Variants in SLC24A1 observed in about 807,000 individuals in gnomAD.
SLC24A1 encodes solute carrier family 24 member 1.
In SLC24A1, 52 loss-of-function variants were observed where a neutral mutation model predicts 88.1. The observed-to-expected ratio is 0.59, with a 90% CI of 0.47 to 0.74. The LOEUF is 0.74. Ranked by LOEUF, SLC24A1 falls within the 30% of genes least tolerant of loss-of-function variation. The pLI is 0.00. For synonymous variants in SLC24A1, 455 were observed against 498.0 expected (o/e 0.91, Z 1.15); for missense variants, 1,173 against 1,363.3 (o/e 0.86, Z 2.20).
rs763504735 is a variant in SLC24A1 at position 65,650,789 on chromosome 15, AGAGGAG to A, written c.2655_2660del (p.Glu889_Glu890del). 73 of 1,608,708 alleles carry A rather than the reference AGAGGAG, an allele frequency of 4.5e-5. 2 individuals carry two copies. The highest frequency in any genetic ancestry group is 4.5e-4 in the South Asian group (41 of 90,472). On this transcript the variant is annotated inframe_deletion, in exon 7 of 10. Coordinates refer to ENST00000261892, the MANE Select transcript of SLC24A1 (RefSeq NM_004727.3). The surrounding 1 kb of genome is among the most constrained non-coding windows in gnomAD (Gnocchi z 4.1). ...AGGAGGAGGAGGAAGAGCAGGAGGA[AGAGGAG>A]GAGGAGGAGGAGGAAGAGGAGGAGA...
rs370278976 is a variant in SLC24A1 at position 65,645,636 on chromosome 15, C to T, written c.2165C>T (p.Ala722Val). The change falls in exon 6 of 10, where the codon GCG becomes GTG. Residue 722 changes from alanine to valine, a missense_variant. Coordinates refer to ENST00000261892, the MANE Select transcript of SLC24A1 (RefSeq NM_004727.3). Reference protein sequence around the residue: ...PEEEEPAKLPAVTVTPAPVPD... With the variant: ...PEEEEPAKLPVVTVTPAPVPD... ...GAGGAGGAGCCAGCCAAGCTCCCTG[C>T]GGTCACGGTCACACCAGCCCCTGTT... 19 of 1,574,774 alleles carry T rather than the reference C, an allele frequency of 1.2e-5. No individual in the cohort carries two copies. The highest frequency in any genetic ancestry group is 1.3e-5 in the Non-Finnish European group (15 of 1,160,040).
chr15:65,625,943 G>T lies in SLC24A1; in HGVS notation c.1863G>T (p.Lys621Asn), dbSNP rs777086273. ...KEQLSRRPVA[K>N]VMALEDLSKP... ...AGCTCAGCAGGAGGCCAGTGGCCAA[G>T]GTCATGGCCTTAGAAGACCTCAGCA... The change falls in exon 2 of 10, where the codon AAG (lysine) becomes AAT (asparagine). Residue 621 changes from lysine (K) to asparagine (N), a missense_variant. Coordinates refer to ENST00000261892, the MANE Select transcript of SLC24A1 (RefSeq NM_004727.3). 5 of 1,613,790 alleles carry T rather than the reference G, an allele frequency of 3.1e-6. No individual in the cohort carries two copies. Among genetic ancestry groups the T allele is most frequent in the Non-Finnish European group, 4.2e-6 (5 of 1,179,826 alleles).
intron 5 of SLC24A1, among the ~76,000 whole-genome samples, 188 bp from the exon 6 acceptor site, chr15:65,645,424 C>A (rs1051203996): frequency 6.6e-6 from 1 of 152,250 alleles, no homozygotes; most frequent in Non-Finnish European, 1.5e-5. Context: ...GTCTTCTCAT[C>A]TGCAGATAGG....
intron 6 of SLC24A1, among the ~76,000 whole-genome samples, chr15:65,649,662 G>A (rs2075429403): frequency 6.6e-6 from 1 of 151,994 alleles, no homozygotes; most frequent in African/African-American, 2.4e-5. Context: ...GTAAGTGCTA[G>A]CTATTATTAT....
intron 4 of SLC24A1, among the ~76,000 whole-genome samples, chr15:65,640,445 A>G (rs1418882957): frequency 6.6e-6 from 1 of 152,160 alleles, no homozygotes; most frequent in Admixed American, 6.5e-5. Flanking sequence ...CATGCATCTC[A>G]GACCCCTAAA....
intron 2 of SLC24A1, among the ~76,000 whole-genome samples, chr15:65,628,897 A>T (rs753058499): frequency 1.3e-5 from 2 of 152,228 alleles, no homozygotes; most frequent in Admixed American, 6.5e-5. Flanking sequence ...TGCTTTTCAA[A>T]CAGGACTTAG....
intron 2 of SLC24A1, among the ~76,000 whole-genome samples, chr15:65,633,440 A>G (rs568906758): frequency 7.9e-5 from 12 of 152,178 alleles, no homozygotes; most frequent in Non-Finnish European, 1.5e-4. Context: ...TGGGTGGATC[A>G]TCTGAGGTCA....
chr15:65,627,630 C>T (rs1283676859), intron 2 of SLC24A1, among the ~76,000 whole-genome samples: 1 of 152,158 alleles, frequency 6.6e-6, no homozygotes, highest in Non-Finnish European at 1.5e-5. Context: ...GGTCTTAGGG[C>T]AGGCCTTGCT....
At position 65,654,940 on chromosome 15, in the gene SLC24A1, T is replaced by C; in HGVS notation, c.*861T>C. ...GTTTAAAGGAGGACTACATTAACTC[T>C]TATTGTTGTGTTTCTGAAAAGTGAA... On this transcript the variant is annotated 3_prime_UTR_variant, in exon 10 of 10. Coordinates refer to ENST00000261892, the MANE Select transcript of SLC24A1 (RefSeq NM_004727.3). 5.9e-6 allele frequency: 6 copies of C among 1,024,196 alleles called. No homozygotes were observed. Among genetic ancestry groups the C allele is most frequent in the Non-Finnish European group, 7.0e-6 (6 of 852,542 alleles). The allele number at this position is 1,024,196 out of a possible 1,614,324, so 63.4% of individuals were successfully genotyped here.
chr15:65,644,412 C>T lies in SLC24A1; in HGVS notation c.2054-15C>T. Reference sequence around the variant, plus strand: ...TACAATTCCAGGTAAGATGTATGTCCTGTCTCATTTGCAGTTCGCCTTGCC... The same window carrying T: ...TACAATTCCAGGTAAGATGTATGTCTTGTCTCATTTGCAGTTCGCCTTGCC... On this transcript the variant is annotated splice_polypyrimidine_tract_variant and intron_variant, in intron 4 of 9. Transcript: ENST00000261892. 2 of 1,549,228 alleles carry T rather than the reference C, an allele frequency of 1.3e-6. No homozygotes were observed. The highest frequency in any genetic ancestry group is 1.8e-6 in the Non-Finnish European group (2 of 1,137,030).
chr15:65,624,634 A>C lies in SLC24A1; in HGVS notation c.554A>C (p.Lys185Thr). The change falls in exon 2 of 10, where the codon AAG (lysine) becomes ACG (threonine). Residue 185 changes from lysine to threonine, a missense_variant. Transcript: ENST00000261892. ...TACAGCCCAACTCAAGTGAGGGAAA[A>C]GGTGAAGTATACTCCTTCCCCACGT... ...KSYSPTQVRE[K>T]VKYTPSPRGR... 1 of 1,593,810 alleles carries C rather than the reference A, an allele frequency of 6.3e-7. No individual in the cohort carries two copies. Among genetic ancestry groups the C allele is most frequent in the Non-Finnish European group, 8.5e-7 (1 of 1,170,058 alleles).
At chr15:65,635,288 C>T (rs538537124) in intron 2 of SLC24A1, among the ~76,000 whole-genome samples, 46 of 151,286 alleles carry the variant, frequency 3.0e-4, no homozygotes, top group Middle Eastern at 3.4e-3. Flanking sequence ...AAGATCATCC[C>T]GGCCAATATG....
In SLC24A1 at chr15:65,624,889, C is replaced by A. The variant is rs1252989313; in HGVS notation, c.809C>A (p.Thr270Asn). 6.2e-7 allele frequency: 1 copy of A among 1,613,898 alleles called. No individual in the cohort carries two copies. Among genetic ancestry groups the A allele is most frequent in the East Asian group, 2.2e-5 (1 of 44,904 alleles). Residue 270 changes from threonine (T) to asparagine (N), a missense_variant, in exon 2 of 10, where the codon ACT becomes AAT. Thr to Asn is a moderately conservative substitution (Grantham distance 65). Coordinates refer to ENST00000261892, the MANE Select transcript of SLC24A1 (RefSeq NM_004727.3). Reference sequence around the variant, plus strand: ...CATGAGGTAGAAGCAAACGTCTTGACTTCTCCAAGGAGCGTCATGGAAAAA... The same window carrying A: ...CATGAGGTAGAAGCAAACGTCTTGAATTCTCCAAGGAGCGTCATGGAAAAA... ...LTHEVEANVL[T>N]SPRSVMEKNN...
chr15:65,650,607 G>A lies in SLC24A1; in HGVS notation c.2458G>A (p.Glu820Lys). The A allele has an allele frequency of 6.4e-7, 1 of 1,551,848 alleles. No homozygotes were observed. The highest frequency in any genetic ancestry group is 8.7e-7 in the Non-Finnish European group (1 of 1,146,956). ...GGGTGAAATCCACGCAGAAGATGGT[G>A]AAATGAAAGGTAATGAAGGTGAAAC... Reference protein sequence around the residue: ...DEGEIHAEDGEMKGNEGETES... With the variant: ...DEGEIHAEDGKMKGNEGETES... The change falls in exon 7 of 10, where the codon GAA becomes AAA. Residue 820 changes from glutamate (E) to lysine (K), a missense_variant. Transcript: ENST00000261892. The surrounding 1 kb of genome is among the most constrained non-coding windows in gnomAD (Gnocchi z 4.1).
intron 4 of SLC24A1, among the ~76,000 whole-genome samples, chr15:65,643,758 G>A (rs1040677259): frequency 1.3e-5 from 2 of 152,204 alleles, no homozygotes; most frequent in African/African-American, 2.4e-5. Flanking sequence ...ATGTGCATAG[G>A]GATCTGAAGG....
chr15:65,652,146 GT>G, intron 8 of SLC24A1: 1 of 347,536 alleles, frequency 2.9e-6, no homozygotes. Context: ...TACCTATAGT[GT>G]TTCTGTTCTG....
rs1278008021 is a variant in SLC24A1, at chr15:65,624,633, A to G, written c.553A>G (p.Lys185Glu). The change falls in exon 2 of 10, where the codon AAG (lysine) becomes GAG (glutamate). Residue 185 changes from lysine to glutamate, a missense_variant. By Grantham distance (56) the Lys-to-Glu change is moderately conservative. Coordinates refer to ENST00000261892, the MANE Select transcript of SLC24A1 (RefSeq NM_004727.3). ...KSYSPTQVRE[K>E]VKYTPSPRGR... ...CTACAGCCCAACTCAAGTGAGGGAA[A>G]AGGTGAAGTATACTCCTTCCCCACG... 2 of 1,593,786 alleles carry G rather than the reference A, an allele frequency of 1.3e-6. No homozygotes were observed. The highest frequency in any genetic ancestry group is 2.3e-5 in the East Asian group (1 of 43,844).
At chr15:65,613,504 G>GTGTGTGTGTGT in intron 2 of SLC24A1, among the ~76,000 whole-genome samples, 4 of 151,492 alleles carry the variant, frequency 2.6e-5, no homozygotes, top group Non-Finnish European at 2.9e-5. Flanking sequence ...GTGTGTGTGT[G>GTGTGTGTGTGT]GTGACAGGGT....
chr15:65,624,758 A>C lies in SLC24A1; in HGVS notation c.678A>C (p.Thr226=), dbSNP rs1596307112. 1 of 1,613,792 alleles carries C rather than the reference A, an allele frequency of 6.2e-7. No individual in the cohort carries two copies. The highest frequency in any genetic ancestry group is 2.2e-5 in the East Asian group (1 of 44,886). ...PRTTVKDSDI[T]ATYKILETNS... is the part of the protein sequence containing the mutation. ...CAACAGTGAAAGACAGTGACATTAC[A>C]GCAACCTATAAAATACTCGAAACCA... Residue 226 remains threonine (T), a synonymous_variant, in exon 2 of 10, where the codon ACA becomes ACC. Transcript: ENST00000261892.
Sources: gnomAD v4.1 joint callset for allele counts (sites outside exome capture counted in the v4.1 genomes callset) on GRCh38, gnomAD v4.1.1 for gene constraint, Gnocchi (gnomAD v3.1) non-coding constraint, MANE v1.5 for transcripts, NCBI Gene and HGNC (gene_info 2026-07-23, HGNC 2026-07-21) for gene names.